TIMM21: variants seen among roughly 807,000 people sequenced by gnomAD.
TIMM21 encodes translocase of inner mitochondrial membrane 21.
Under a neutral mutation model 27.7 loss-of-function variants are expected in TIMM21, and 30 were observed. That is an observed-to-expected ratio of 1.08 (90% confidence interval 0.81 to 1.47). The LOEUF is 1.47. TIMM21 is among the 40% of genes most tolerant of loss of function. TIMM21 has a pLI of 0.00. For synonymous variants in TIMM21, 121 were observed against 114.4 expected (o/e 1.06, Z -0.37); for missense variants, 292 against 302.9 (o/e 0.96, Z 0.27).
rs1979675781 is a variant in TIMM21 at position 74,148,650 on chromosome 18, C to T, written c.-159C>T. 3.0e-6 allele frequency: 2 copies of T among 669,988 alleles called. No individual in the cohort carries two copies. The highest frequency in any genetic ancestry group is 5.1e-6 in the Non-Finnish European group (2 of 393,384). 41.5% of individuals were successfully genotyped at this position (669,988 alleles called of 1,614,324 possible). A position where few individuals can be genotyped will look rare whatever the true frequency, so the allele number is the denominator to read the frequency against. On this transcript the variant is annotated 5_prime_UTR_variant, in exon 1 of 6. Transcript: ENST00000169551. ...CATCAGGTTCTCCCTGGAGACTTTT[C>T]GTTTTCATTTACGCTGCGGAAACTG...
At position 74,154,399 on chromosome 18, in the gene TIMM21, C is replaced by A. The variant is rs927233075; in HGVS notation, c.302-746C>A. On this transcript the variant is annotated intron_variant, in intron 1 of 5. Coordinates refer to ENST00000169551, the MANE Select transcript of TIMM21 (RefSeq NM_014177.3). ...GCCTCAGCCTCTCGAGTAGCTGGGA[C>A]TACAGGCGCCCGCCACTGCGCCCGG... Among the ~76,000 whole-genome samples, 3 of 152,206 alleles carry A rather than the reference C, an allele frequency of 2.0e-5. No individual in the cohort carries two copies. The East Asian group carries it at 5.8e-4, about 29-fold the overall frequency.
At position 74,148,716 on chromosome 18, in the gene TIMM21, C is replaced by G. The variant is rs958776663; in HGVS notation, c.-93C>G. On this transcript the variant is annotated 5_prime_UTR_variant, in exon 1 of 6. Coordinates refer to ENST00000169551, the MANE Select transcript of TIMM21 (RefSeq NM_014177.3). ...ACCCCATGTAATGTAAACGTATAGG[C>G]TTGAGTACGTGTCCGGCCGCATGTG... 4 of 1,306,008 alleles carry G rather than the reference C, an allele frequency of 3.1e-6. No individual in the cohort carries two copies. The highest frequency in any genetic ancestry group is 2.1e-5 in the Admixed American group (1 of 48,370). The allele number at this position is 1,306,008 out of a possible 1,614,324, so 80.9% of individuals were successfully genotyped here.
rs377197079 is a variant in TIMM21, at chr18:74,155,079, A to G, written c.302-66A>G. On this transcript the variant is annotated intron_variant, in intron 1 of 5. Coordinates refer to ENST00000169551, the MANE Select transcript of TIMM21 (RefSeq NM_014177.3). ...TGCTTTTCTCTCGCAAGAAGTGCAA[A>G]AGCAGCAGACAAGCTTGCCTGCTCC... The G allele has an allele frequency of 1.6e-4, 246 of 1,520,162 alleles. No individual in the cohort carries two copies. The African/African-American group carries it at 2.6e-3, about 16-fold the overall frequency. 94.2% of individuals were successfully genotyped at this position (1,520,162 alleles called of 1,614,324 possible).
rs1979831130 is a variant in TIMM21, at chr18:74,152,280, T to C, written c.302-2865T>C. Reference sequence around the variant, plus strand: ...CCTGACCTTGGTGTGGGAGGTCTCATGGGCTTGAAATGCCAAACTCCCTGA... The same window carrying C: ...CCTGACCTTGGTGTGGGAGGTCTCACGGGCTTGAAATGCCAAACTCCCTGA... On this transcript the variant is annotated intron_variant, in intron 1 of 5. Coordinates refer to ENST00000169551, the MANE Select transcript of TIMM21 (RefSeq NM_014177.3). This position sits in a 1 kb window ranked among gnomAD's most constrained non-coding sequence, Gnocchi z 4.1. 6.6e-6 allele frequency among the ~76,000 whole-genome samples: 1 copy of C among 152,130 alleles called. No individual in the cohort carries two copies. Among genetic ancestry groups the C allele is most frequent in the African/African-American group, 2.4e-5 (1 of 41,436 alleles).
chr18:74,152,437 A>ACCATCCCTCT lies in TIMM21; in HGVS notation c.302-2703_302-2694dup, dbSNP rs1159297704. On this transcript the variant is annotated intron_variant, in intron 1 of 5. Transcript: ENST00000169551. This position sits in a 1 kb window ranked among gnomAD's most constrained non-coding sequence, Gnocchi z 4.1. ...GGTGATTAGTTACACACTTCATCTC[A>ACCATCCCTCT]CCATCCCTCTCCATGGCCCCAGCCA... 2.0e-5 allele frequency among the ~76,000 whole-genome samples: 3 copies of ACCATCCCTCT among 152,012 alleles called. No individual in the cohort carries two copies. The highest frequency in any genetic ancestry group is 4.4e-5 in the Non-Finnish European group (3 of 67,998).
In TIMM21 at chr18:74,158,598, C is replaced by G; in HGVS notation, c.*118C>G. Reference sequence around the variant, plus strand: ...GGAGTGTATGGCTTATAAAGTGAATCTAATACAGTATTTGTTGCATTTAAA... The same window carrying G: ...GGAGTGTATGGCTTATAAAGTGAATGTAATACAGTATTTGTTGCATTTAAA... On this transcript the variant is annotated 3_prime_UTR_variant, in exon 6 of 6. Transcript: ENST00000169551. The G allele has an allele frequency of 1.5e-6, 1 of 675,686 alleles. No homozygotes were observed. The highest frequency in any genetic ancestry group is 2.6e-6 in the Non-Finnish European group (1 of 383,366). 41.9% of individuals were successfully genotyped at this position (675,686 alleles called of 1,614,324 possible). A position where few individuals can be genotyped will look rare whatever the true frequency, so the allele number is the denominator to read the frequency against.
rs1296187489 is a variant in TIMM21, at chr18:74,159,516, A to G, written c.*1036A>G. ...AGAGGAATTTCTGATGTGTTCTTGA[A>G]ATTTTGGGATATTCAGGATAGAGAG... is the stretch of plus-strand genomic sequence containing the variant. On this transcript the variant is annotated 3_prime_UTR_variant, in exon 6 of 6. Transcript: ENST00000169551. The G allele has an allele frequency of 6.6e-6, 1 of 151,552 alleles. No individual in the cohort carries two copies. The highest frequency in any genetic ancestry group is 1.5e-5 in the Non-Finnish European group (1 of 67,914). The allele number at this position is 151,552 out of a possible 1,614,324, so 9.4% of individuals were successfully genotyped here. A position where few individuals can be genotyped will look rare whatever the true frequency, so the allele number is the denominator to read the frequency against.
Position 74,152,622 on chromosome 18 carries a change from C to A in TIMM21, c.302-2523C>A, listed in dbSNP as rs904180409. Among the ~76,000 whole-genome samples, 1 of 152,178 alleles carries A rather than the reference C, an allele frequency of 6.6e-6. No homozygotes were observed. Among genetic ancestry groups the A allele is most frequent in the Non-Finnish European group, 1.5e-5 (1 of 68,038 alleles). On this transcript the variant is annotated intron_variant, in intron 1 of 5. Coordinates refer to ENST00000169551, the MANE Select transcript of TIMM21 (RefSeq NM_014177.3). The surrounding 1 kb of genome is among the most constrained non-coding windows in gnomAD (Gnocchi z 4.1). ...AGCTCTATGACAGGTGCTGTCAGTA[C>A]CCCCCTACCACCAGGGACAGGGTCC...
chr18:74,149,939 G>T (rs1353530691), intron 1 of TIMM21, among the ~76,000 whole-genome samples: 1 of 152,216 alleles, frequency 6.6e-6, no homozygotes, highest in Non-Finnish European at 1.5e-5. Context: ...GACAGTCCTT[G>T]TGGCTGAGTG....
rs114175413 is a variant in TIMM21 at position 74,155,646 on chromosome 18, A to G, written c.462+243A>G. On this transcript the variant is annotated intron_variant, in intron 3 of 5. Coordinates refer to ENST00000169551, the MANE Select transcript of TIMM21 (RefSeq NM_014177.3). ...ATTTTGCTGGTTGTTCATAGATACT[A>G]AATTTTTAGAATACACCAAAATATT... Among the ~76,000 whole-genome samples, 514 of 152,342 alleles carry G rather than the reference A, an allele frequency of 3.4e-3. 2 individuals are homozygous for G. Among genetic ancestry groups the G allele is most frequent in the African/African-American group, 0.012 (493 of 41,564 alleles).
Position 74,148,825 on chromosome 18 carries a change from T to C in TIMM21, c.17T>C (p.Leu6Pro), listed in dbSNP as rs756906326. MICTF[L>P]RAVQYTEKLH... ...TCCGTGAACATGATTTGTACTTTTC[T>C]ACGAGCCGTACAGTATACGGAGAAG... Residue 6 changes from leucine (L) to proline (P), a missense_variant, in exon 1 of 6, where the codon CTA becomes CCA. By Grantham distance (98) the Leu-to-Pro change is moderately conservative. Coordinates refer to ENST00000169551, the MANE Select transcript of TIMM21 (RefSeq NM_014177.3). 1 of 1,603,814 alleles carries C rather than the reference T, an allele frequency of 6.2e-7. No homozygotes were observed. The highest frequency in any genetic ancestry group is 1.3e-5 in the African/African-American group (1 of 74,678).
In TIMM21 at chr18:74,148,609, C is replaced by A; in HGVS notation, c.-200C>A. 1.9e-6 allele frequency: 1 copy of A among 521,508 alleles called. No homozygotes were observed. Among genetic ancestry groups the A allele is most frequent in the Non-Finnish European group, 3.4e-6 (1 of 292,194 alleles). The allele number at this position is 521,508 out of a possible 1,614,324, so 32.3% of individuals were successfully genotyped here. A position where few individuals can be genotyped will look rare whatever the true frequency, so the allele number is the denominator to read the frequency against. On this transcript the variant is annotated 5_prime_UTR_variant, in exon 1 of 6. Coordinates refer to ENST00000169551, the MANE Select transcript of TIMM21 (RefSeq NM_014177.3). ...CCTGTTAATTAAAATGGAAAGAAGA[C>A]AGAAGGGAAGGTAGACATCAGGTTC...
In TIMM21 at chr18:74,158,596, A is replaced by C; in HGVS notation, c.*116A>C. ...AAGGAGTGTATGGCTTATAAAGTGA[A>C]TCTAATACAGTATTTGTTGCATTTA... is the stretch of plus-strand genomic sequence containing the variant. On this transcript the variant is annotated 3_prime_UTR_variant, in exon 6 of 6. Coordinates refer to ENST00000169551, the MANE Select transcript of TIMM21 (RefSeq NM_014177.3). 1 of 680,096 alleles carries C rather than the reference A, an allele frequency of 1.5e-6. No homozygotes were observed. Among genetic ancestry groups the C allele is most frequent in the Admixed American group, 3.1e-5 (1 of 32,568 alleles). The allele number at this position is 680,096 out of a possible 1,614,324, so 42.1% of individuals were successfully genotyped here. A position where few individuals can be genotyped will look rare whatever the true frequency, so the allele number is the denominator to read the frequency against.
chr18:74,158,536 G>A lies in TIMM21; in HGVS notation c.*56G>A, dbSNP rs1980021174. 2.8e-6 allele frequency: 3 copies of A among 1,072,424 alleles called. No homozygotes were observed. The Admixed American group carries it at 6.4e-5, about 23-fold the overall frequency. 66.4% of individuals were successfully genotyped at this position (1,072,424 alleles called of 1,614,324 possible). ...TGGACTCGCTACTCCGTTCTTCACAGCTGCCTTCCAGAATGTGTTCAAAAG... is the reference window on the plus strand; with the variant it reads ...TGGACTCGCTACTCCGTTCTTCACAACTGCCTTCCAGAATGTGTTCAAAAG... On this transcript the variant is annotated 3_prime_UTR_variant, in exon 6 of 6. Coordinates refer to ENST00000169551, the MANE Select transcript of TIMM21 (RefSeq NM_014177.3).
rs753347397 is a variant in TIMM21 at position 74,158,003 on chromosome 18, T to C, written c.463-11T>C. The C allele has an allele frequency of 4.3e-6, 7 of 1,613,860 alleles. No homozygotes were observed. The African/African-American group carries it at 9.3e-5, about 22-fold the overall frequency. On this transcript the variant is annotated splice_polypyrimidine_tract_variant and intron_variant, in intron 3 of 5. Transcript: ENST00000169551. ...AATAACACAAAATAAAGCACTGTCC[T>C]TGTTCTGCAGGTGATCGGTGTCTTT...
Position 74,158,924 on chromosome 18 carries a change from C to A in TIMM21, c.*444C>A. 1.1e-5 allele frequency: 2 copies of A among 174,282 alleles called. No individual in the cohort carries two copies. Among genetic ancestry groups the A allele is most frequent in the Non-Finnish European group, 2.4e-5 (2 of 83,118 alleles). 10.8% of individuals were successfully genotyped at this position (174,282 alleles called of 1,614,324 possible). A position where few individuals can be genotyped will look rare whatever the true frequency, so the allele number is the denominator to read the frequency against. On this transcript the variant is annotated 3_prime_UTR_variant, in exon 6 of 6. Coordinates refer to ENST00000169551, the MANE Select transcript of TIMM21 (RefSeq NM_014177.3). Reference sequence around the variant, plus strand: ...ATAAGCATGTGAAAATGGTTGAGGGCCATAGGGAACCAGATGGTAAATACA... The same window carrying A: ...ATAAGCATGTGAAAATGGTTGAGGGACATAGGGAACCAGATGGTAAATACA...
chr18:74,148,642 A>G lies in TIMM21; in HGVS notation c.-167A>G, dbSNP rs1053431019. ...AAGGTAGACATCAGGTTCTCCCTGG[A>G]GACTTTTCGTTTTCATTTACGCTGC... On this transcript the variant is annotated 5_prime_UTR_variant, in exon 1 of 6. Coordinates refer to ENST00000169551, the MANE Select transcript of TIMM21 (RefSeq NM_014177.3). 6.7e-5 allele frequency: 42 copies of G among 630,984 alleles called. No homozygotes were observed. The highest frequency in any genetic ancestry group is 6.4e-5 in the Non-Finnish European group (23 of 360,964). The allele number at this position is 630,984 out of a possible 1,614,324, so 39.1% of individuals were successfully genotyped here.
At chr18:74,150,808 G>T (rs898430519) in intron 1 of TIMM21, among the ~76,000 whole-genome samples, 1 of 152,162 alleles carries the variant, frequency 6.6e-6, no homozygotes, top group Admixed American at 6.5e-5. Flanking sequence ...GATGGGGATC[G>T]CCATGCCTGT....
Position 74,148,552 on chromosome 18 carries a change from A to G in TIMM21, c.-257A>G. ...GACTTTGCGAAGGCATGGCGGGGAC[A>G]CTGTGAATGTCAGCCCAGAAGGTGA... is the stretch of plus-strand genomic sequence containing the variant. On this transcript the variant is annotated 5_prime_UTR_variant, in exon 1 of 6. Transcript: ENST00000169551. The G allele has an allele frequency of 2.8e-6, 1 of 352,218 alleles. No homozygotes were observed. Among genetic ancestry groups the G allele is most frequent in the South Asian group, 6.5e-5 (1 of 15,472 alleles). The allele number at this position is 352,218 out of a possible 1,614,324, so 21.8% of individuals were successfully genotyped here.
Sources: gnomAD v4.1 joint callset for allele counts (sites outside exome capture counted in the v4.1 genomes callset) on GRCh38, gnomAD v4.1.1 for gene constraint, Gnocchi (gnomAD v3.1) non-coding constraint, MANE v1.5 for transcripts, NCBI Gene and HGNC (gene_info 2026-07-23, HGNC 2026-07-21) for gene names.